Variants in SLC4A4 observed in about 807,000 individuals in gnomAD.
The protein encoded by SLC4A4 is solute carrier family 4 member 4, also known as electrogenic sodium bicarbonate cotransporter 1.
Under a neutral mutation model 111.5 loss-of-function variants are expected in SLC4A4, and 27 were observed. The ratio of observed to expected loss-of-function variants is 0.24; its 90% CI spans 0.18 to 0.33. SLC4A4 has a LOEUF of 0.33. Among genes scored for constraint, SLC4A4 ranks in the 10% least tolerant of loss-of-function variants. The pLI is 1.00. For missense variants in SLC4A4, 909 were observed against 1,315.5 expected (o/e 0.69, Z 4.78); for synonymous variants, 443 against 463.4 (o/e 0.96, Z 0.57).
At chr4:71,065,578 CAA>C (rs1491417638) in intron 1 of SLC4A4, among the ~76,000 whole-genome samples, 1 of 152,070 alleles carries the variant, frequency 6.6e-6, no homozygotes, top group African/African-American at 2.4e-5. Context: ...ATCTATTTGA[CAA>C]TATATATATA....
intron 6 of SLC4A4, among the ~76,000 whole-genome samples, chr4:71,368,917 C>T (rs1731585625): frequency 2.0e-5 from 3 of 152,074 alleles, no homozygotes; most frequent in African/African-American, 7.2e-5. Context: ...CATTGTTCTC[C>T]TTTAACCCGC....
intron 3 of SLC4A4, among the ~76,000 whole-genome samples, chr4:71,314,278 C>G (rs964427615): frequency 6.6e-6 from 1 of 152,146 alleles, no homozygotes; most frequent in African/African-American, 2.4e-5. Context: ...ACAACAGATG[C>G]TAATGAGGAT....
intron 16 of SLC4A4, among the ~76,000 whole-genome samples, chr4:71,508,743 C>T (rs907343799): frequency 2.6e-5 from 4 of 152,130 alleles, no homozygotes; most frequent in African/African-American, 9.7e-5. Flanking sequence ...GAGACTTCTC[C>T]CTAATTGACT....
At chr4:71,156,572 ATGCGCGCGCGCG>A (rs1317325229) in intron 2 of SLC4A4, among the ~76,000 whole-genome samples, 9 of 26,016 alleles carry the variant, frequency 3.5e-4, no homozygotes, top group Non-Finnish European at 1.1e-3. Flanking sequence ...GTGTGCGCGC[ATGCGCGCGCGCG>A]CGCGCACACA....
intron 16 of SLC4A4, among the ~76,000 whole-genome samples, chr4:71,503,312 G>A (rs924857496): frequency 6.6e-6 from 1 of 150,528 alleles, no homozygotes; most frequent in Non-Finnish European, 1.5e-5. Context: ...TTACATTCAA[G>A]GATTTTATTG....
In SLC4A4 at chr4:71,440,579, G is replaced by T. The variant is rs369660062; in HGVS notation, c.808-37G>T. 476 of 1,613,140 alleles carry T rather than the reference G, an allele frequency of 3.0e-4. 1 individual carries two copies. Among genetic ancestry groups the T allele is most frequent in the Non-Finnish European group, 3.9e-4 (460 of 1,179,294 alleles). ...AATAGTAATTCCACAGGAACCTTGTGGAACTAAATTGTGTTTCCTTGGTTC... is the reference window on the plus strand; with the variant it reads ...AATAGTAATTCCACAGGAACCTTGTTGAACTAAATTGTGTTTCCTTGGTTC... On this transcript the variant is annotated intron_variant, in intron 7 of 25. Coordinates refer to ENST00000264485, the MANE Select transcript of SLC4A4 (RefSeq NM_001098484.3).
intron 2 of SLC4A4, among the ~76,000 whole-genome samples, chr4:71,155,243 T>C (rs1744427183): frequency 6.6e-6 from 1 of 152,132 alleles, no homozygotes. Context: ...ATGAAAATAA[T>C]TTTATAGGAT....
In SLC4A4 at chr4:71,339,386, A is replaced by T. The variant is rs144438179; in HGVS notation, c.270A>T (p.Glu90Asp). The T allele has an allele frequency of 2.0e-5, 32 of 1,614,012 alleles. No homozygotes were observed. In the African/African-American group the frequency reaches 4.3e-4, roughly 22 times the overall value. Residue 90 changes from glutamate (E) to aspartate (D), a missense_variant, in exon 4 of 26, where the codon GAA becomes GAT. Coordinates refer to ENST00000264485, the MANE Select transcript of SLC4A4 (RefSeq NM_001098484.3). ...CTTCTGCAGTCTCTCCTGCTGCAGA[A>T]CGCATCCGATTCATCTTGGGAGAGG... ...ILKPLISPAA[E>D]RIRFILGEED... is the part of the protein sequence containing the mutation.
intron 4 of SLC4A4, among the ~76,000 whole-genome samples, chr4:71,348,005 A>C (rs934170519): frequency 1.3e-5 from 2 of 152,112 alleles, no homozygotes; most frequent in African/African-American, 4.8e-5. Context: ...CTTTTTCTAG[A>C]GTCTTATCTT....
At chr4:71,278,601 C>T (rs1280912486) in intron 3 of SLC4A4, among the ~76,000 whole-genome samples, 1 of 152,146 alleles carries the variant, frequency 6.6e-6, no homozygotes, top group African/African-American at 2.4e-5. Context: ...TATCAACACC[C>T]ACCTCTTGTC....
At chr4:71,142,712 G>A (rs1056651783) in intron 2 of SLC4A4, among the ~76,000 whole-genome samples, 9 of 149,092 alleles carry the variant, frequency 6.0e-5, no homozygotes, top group Non-Finnish European at 1.2e-4. Flanking sequence ...ATATAGTAGA[G>A]TGAATGCAAC....
At chr4:71,258,341 T>C (rs1184526432) in intron 3 of SLC4A4, among the ~76,000 whole-genome samples, 1 of 152,174 alleles carries the variant, frequency 6.6e-6, no homozygotes, top group East Asian at 1.9e-4. Flanking sequence ...CTTCAGAGAG[T>C]CCTTTCCTTA....
Position 71,268,692 on chromosome 4 carries a change from A to G in SLC4A4, c.253+13293A>G, listed in dbSNP as rs189545339. On this transcript the variant is annotated intron_variant, in intron 3 of 25. Transcript: ENST00000264485. ...CAGAAAAGGTCTCAGGAGGGCCTCA[A>G]TGACTGTAATAAAATGTTTCTCAGA... Among the ~76,000 whole-genome samples, 11 of 152,296 alleles carry G rather than the reference A, an allele frequency of 7.2e-5. No homozygotes were observed. In the East Asian group the frequency reaches 2.1e-3, roughly 29 times the overall value.
At chr4:71,135,037 C>T (rs1024198984) in intron 2 of SLC4A4, among the ~76,000 whole-genome samples, 10 of 151,990 alleles carry the variant, frequency 6.6e-5, no homozygotes, top group African/African-American at 1.7e-4. Context: ...CGCTGGGCTC[C>T]GATAAGCCTT....
At chr4:71,518,746 G>T (rs1480264132) in intron 16 of SLC4A4, among the ~76,000 whole-genome samples, 1 of 152,090 alleles carries the variant, frequency 6.6e-6, no homozygotes, top group African/African-American at 2.4e-5. Flanking sequence ...GTTTGGCCTG[G>T]CAGTGGGGTG....
At chr4:71,482,125 C>A (rs975122167) in intron 14 of SLC4A4, among the ~76,000 whole-genome samples, 2 of 151,664 alleles carry the variant, frequency 1.3e-5, no homozygotes, top group African/African-American at 2.4e-5. Context: ...TTCTTGTAGA[C>A]CAAGCTTCCA....
At chr4:71,208,801 C>T (rs1717950836) in intron 1 of SLC4A4, among the ~76,000 whole-genome samples, 1 of 152,128 alleles carries the variant, frequency 6.6e-6, no homozygotes, top group Non-Finnish European at 1.5e-5. Context: ...GAATCAGTGT[C>T]CCACACCATT....
In SLC4A4 at chr4:71,311,980, G is replaced by A. The variant is rs3919780; in HGVS notation, c.254-27390G>A. On this transcript the variant is annotated intron_variant, in intron 3 of 25. Coordinates refer to ENST00000264485, the MANE Select transcript of SLC4A4 (RefSeq NM_001098484.3). The stretch of plus-strand genomic sequence containing the variant: ...ACCCTTCAAAAAATCAATGATTGCG[G>A]GAGCTGGTTTTTTGAAAAGATTAAC... Among the ~76,000 whole-genome samples, 376 of 148,774 alleles carry A rather than the reference G, an allele frequency of 2.5e-3. 6 individuals carry two copies. The highest frequency in any genetic ancestry group is 4.9e-3 in the Non-Finnish European group (332 of 67,328).
intron 8 of SLC4A4, among the ~76,000 whole-genome samples, chr4:71,446,594 T>G (rs566503207): frequency 2.0e-5 from 3 of 152,212 alleles, no homozygotes; most frequent in Admixed American, 2.0e-4. Flanking sequence ...ACCAGCCTCA[T>G]TTTCCTCACC....
Sources: allele counts gnomAD v4.1 joint callset (sites outside exome capture counted in the v4.1 genomes callset), GRCh38; gene constraint gnomAD v4.1.1; transcripts MANE v1.5; gene names NCBI Gene and HGNC (gene_info 2026-07-23, HGNC 2026-07-21).